Variants in SCN4A observed in about 807,000 individuals in gnomAD.
The protein encoded by SCN4A is sodium channel protein type 4 subunit alpha.
In SCN4A, 83 loss-of-function variants were observed where a neutral mutation model predicts 162.0. That is an observed-to-expected ratio of 0.51 (90% CI 0.43 to 0.61). The LOEUF (loss-of-function observed/expected upper bound fraction) is 0.61. Ranked by LOEUF, SCN4A falls within the 20% of genes least tolerant of loss-of-function variation. SCN4A has a pLI of 0.00. For missense variants in SCN4A, 2,196 were observed against 2,462.5 expected (o/e 0.89, Z 2.29); for synonymous variants, 944 against 985.1 (o/e 0.96, Z 0.78).
chr17:63,956,550 G>T (rs750432434), intron 13 of SCN4A, among the ~76,000 whole-genome samples: 1 of 152,188 alleles, frequency 6.6e-6, no homozygotes. Context: ...CTTTTTCGGC[G>T]CCTGGACCAT....
Position 63,941,745 on chromosome 17 carries a change from T to C in SCN4A, c.4537A>G (p.Ile1513Val). The stretch of plus-strand genomic sequence containing the variant: ...GTCTCGAAGTTGAACATATCATCGA[T>C]GCCCGACTCCTTCTTGACGTAGGCA... The part of the protein sequence containing the change: ...NFAYVKKESG[I>V]DDMFNFETFG... The change falls in exon 24 of 24, where the codon ATC becomes GTC. Residue 1513 changes from isoleucine (I) to valine (V), a missense_variant. Transcript: ENST00000435607. This position sits in a 1 kb window ranked among gnomAD's most constrained non-coding sequence, Gnocchi z 6.2. 1 of 1,614,148 alleles carries C rather than the reference T, an allele frequency of 6.2e-7. No homozygotes were observed. Among genetic ancestry groups the C allele is most frequent in the Non-Finnish European group, 8.5e-7 (1 of 1,180,032 alleles).
chr17:63,947,009 T>TGAGCCCCCCCC, intron 18 of SCN4A, 36 bp downstream of exon 18: 1 of 716,396 alleles, frequency 1.4e-6, no homozygotes. Context: ...CGGTCCCCCA[T>TGAGCCCCCCCC]CCCCAGCCCA....
Position 63,943,751 on chromosome 17 carries a change from G to A in SCN4A, c.4012C>T (p.Pro1338Ser). 6.2e-7 allele frequency: 1 copy of A among 1,605,054 alleles called. No homozygotes were observed. Among genetic ancestry groups the A allele is most frequent in the South Asian group, 1.1e-5 (1 of 90,848 alleles). Reference protein sequence around the residue: ...SKKPQKPIPRPQNKIQGMVYD... With the variant: ...SKKPQKPIPRSQNKIQGMVYD... The stretch of plus-strand genomic sequence containing the variant: ...GGGGGCCCAGAGGTCTGTACCTGGG[G>A]CCGGGGAATTGGCTTCTGAGGCTTC... Residue 1338 changes from proline to serine, a missense_variant, in exon 22 of 24, where the codon CCC (proline) becomes TCC (serine). Pro to Ser is a moderately conservative substitution (Grantham distance 74). Transcript: ENST00000435607.
At chr17:63,955,796 G>T (rs1444486296) in intron 13 of SCN4A, among the ~76,000 whole-genome samples, 1 of 152,148 alleles carries the variant, frequency 6.6e-6, no homozygotes, top group Non-Finnish European at 1.5e-5. Context: ...CTCTGTAGCT[G>T]CAGCATAGTC....
At chr17:63,971,396 C>T in intron 4 of SCN4A, 143 bp from the exon 5 acceptor site, 1 of 651,630 alleles carries the variant, frequency 1.5e-6, no homozygotes. Flanking sequence ...GCAGACACCC[C>T]CAAAGCTCCT....
chr17:63,972,432 G>A lies in SCN4A; in HGVS notation c.312C>T (p.Arg104=). 1 of 1,613,986 alleles carries A rather than the reference G, an allele frequency of 6.2e-7. No individual in the cohort carries two copies. Among genetic ancestry groups the A allele is most frequent in the Non-Finnish European group, 8.5e-7 (1 of 1,179,880 alleles). ...GGTAGAGAGCAGGTGTGGCGGAGAA[G>A]CGGAAGATGGCCTTGCCCTTGTTGA... ...IVLNKGKAIF[R]FSATPALYLL... Residue 104 remains arginine (R), a synonymous_variant, in exon 2 of 24, where the codon CGC becomes CGT. Transcript: ENST00000435607. The surrounding 1 kb of genome is among the most constrained non-coding windows in gnomAD (Gnocchi z 4.3).
At position 63,959,365 on chromosome 17, in the gene SCN4A, T is replaced by A; in HGVS notation, c.1919A>T (p.Gln640Leu). Residue 640 changes from glutamine to leucine, a missense_variant, in exon 12 of 24, where the codon CAG becomes CTG. Physicochemically the swap from Gln to Leu is moderately radical, Grantham distance 113. Coordinates refer to ENST00000435607, the MANE Select transcript of SCN4A (RefSeq NM_000334.4). The part of the protein sequence containing the change: ...IAMDPYEYFQ[Q>L]GWNIFDSIIV... ...GATGCTGTCGAAGATATTCCAACCC[T>A]GCTGGAAATACTCGTAGGGGTCCAT... 6.2e-7 allele frequency: 1 copy of A among 1,613,878 alleles called. No individual in the cohort carries two copies.
chr17:63,950,734 GTCAGCCTCAGCC>G lies in SCN4A; in HGVS notation c.2853+678_2853+689del, dbSNP rs1311338458. 3.9e-5 allele frequency among the ~76,000 whole-genome samples: 6 copies of G among 152,338 alleles called. No homozygotes were observed. Among genetic ancestry groups the G allele is most frequent in the Non-Finnish European group, 7.3e-5 (5 of 68,034 alleles). The stretch of plus-strand genomic sequence containing the variant: ...GAAGGGGGCTCAAGACCCAGGCAGG[GTCAGCCTCAGCC>G]TCAGCCTCAGCTGCTGGGGGTTACC... On this transcript the variant is annotated intron_variant, in intron 14 of 23. Transcript: ENST00000435607. This position sits in a 1 kb window ranked among gnomAD's most constrained non-coding sequence, Gnocchi z 4.6.
chr17:63,964,208 G>A lies in SCN4A; in HGVS notation c.1452+260C>T, dbSNP rs78305954. On this transcript the variant is annotated intron_variant, in intron 9 of 23. Coordinates refer to ENST00000435607, the MANE Select transcript of SCN4A (RefSeq NM_000334.4). ...ATATTTGAGCTGGAAGAATACTTCA[G>A]GTTTAGCTACTCCAGATTCCTTGTT... Among the ~76,000 whole-genome samples the A allele has an allele frequency of 0.025, 3,867 of 152,298 alleles. 166 individuals carry two copies. The highest frequency in any genetic ancestry group is 0.089 in the African/African-American group (3,692 of 41,552).
At chr17:63,942,311 G>A (rs1908568398) in intron 23 of SCN4A, among the ~76,000 whole-genome samples, 1 of 151,908 alleles carries the variant, frequency 6.6e-6, no homozygotes, top group Non-Finnish European at 1.5e-5. Flanking sequence ...GACAGAGAGA[G>A]AGAGACAGAG....
In SCN4A at chr17:63,941,197, G is replaced by A. The variant is rs755769915; in HGVS notation, c.5085C>T (p.Asp1695=). The change falls in exon 24 of 24, where the codon GAC becomes GAT. Residue 1695 remains aspartate, a synonymous_variant. Coordinates refer to ENST00000435607, the MANE Select transcript of SCN4A (RefSeq NM_000334.4). The surrounding 1 kb of genome is among the most constrained non-coding windows in gnomAD (Gnocchi z 6.2). ...TCTCCTCCATGGTCTGCTTGAGGGC[G>A]TCCATTTCCCCAGAGTCACCCAGGA... ...KEVLGDSGEM[D]ALKQTMEEKF... is the part of the protein sequence containing the mutation. The A allele has an allele frequency of 2.4e-5, 38 of 1,613,676 alleles. No homozygotes were observed. The highest frequency in any genetic ancestry group is 1.6e-4 in the Middle Eastern group (1 of 6,084).
chr17:63,967,933 CAAA>C (rs11418006), intron 6 of SCN4A, 87 bp downstream of exon 6: 687 of 891,848 alleles, frequency 7.7e-4, no homozygotes, highest in Non-Finnish European at 9.0e-4. Flanking sequence ...GACTCCATCT[CAAA>C]AAAAAAAAAA....
At position 63,944,918 on chromosome 17, in the gene SCN4A, G is replaced by C. The variant is rs891835411; in HGVS notation, c.3774+89C>G. ...CCACCCCCAGGGCTGCCAAGTCTCG[G>C]GGACAGAACGTGCTGCCAAGTCTCC... On this transcript the variant is annotated intron_variant, in intron 20 of 23. Coordinates refer to ENST00000435607, the MANE Select transcript of SCN4A (RefSeq NM_000334.4). This position sits in a 1 kb window ranked among gnomAD's most constrained non-coding sequence, Gnocchi z 4.3. 1.4e-5 allele frequency: 22 copies of C among 1,590,312 alleles called. No individual in the cohort carries two copies. In the African/African-American group the frequency reaches 3.0e-4, roughly 21 times the overall value.
Position 63,948,079 on chromosome 17 carries a change from C to A in SCN4A, c.3145-16G>T, listed in dbSNP as rs755600392. On this transcript the variant is annotated splice_polypyrimidine_tract_variant and intron_variant, in intron 16 of 23. Coordinates refer to ENST00000435607, the MANE Select transcript of SCN4A (RefSeq NM_000334.4). ...CCTCGAAGGCCTGGGGGCACCAGCA[C>A]CACCAGGGTGGCTGGGGTCCAGCAG... is the stretch of plus-strand genomic sequence containing the variant. 1 of 1,583,876 alleles carries A rather than the reference C, an allele frequency of 6.3e-7. No homozygotes were observed. Among genetic ancestry groups the A allele is most frequent in the Non-Finnish European group, 8.6e-7 (1 of 1,158,870 alleles).
intron 13 of SCN4A, among the ~76,000 whole-genome samples, chr17:63,952,274 C>T (rs555286244): frequency 5.9e-5 from 9 of 151,358 alleles, no homozygotes; most frequent in African/African-American, 9.7e-5. Flanking sequence ...GGCGCGATTT[C>T]GGCTCACGGC....
chr17:63,961,704 A>G, intron 10 of SCN4A: 1 of 461,372 alleles, frequency 2.2e-6, no homozygotes, highest in Non-Finnish European at 3.9e-6. Flanking sequence ...CACCCTCCAG[A>G]TCCCGCCCTC....
At position 63,941,353 on chromosome 17, in the gene SCN4A, G is replaced by T; in HGVS notation, c.4929C>A (p.Phe1643Leu). Reference protein sequence around the residue: ...QFIAYSRLSDFVDTLQEPLRI... With the variant: ...QFIAYSRLSDLVDTLQEPLRI... ...TCAGCGGTTCCTGCAGGGTGTCCACGAAGTCTGAGAGGCGGCTGTAGGCGA... is the reference window on the plus strand; with the variant it reads ...TCAGCGGTTCCTGCAGGGTGTCCACTAAGTCTGAGAGGCGGCTGTAGGCGA... The change falls in exon 24 of 24, where the codon TTC (phenylalanine) becomes TTA (leucine). Residue 1643 changes from phenylalanine (F) to leucine (L), a missense_variant. Physicochemically the swap from Phe to Leu is conservative, Grantham distance 22 (BLOSUM62 0). Transcript: ENST00000435607. The surrounding 1 kb of genome is among the most constrained non-coding windows in gnomAD (Gnocchi z 6.2). 6.2e-7 allele frequency: 1 copy of T among 1,613,924 alleles called. No homozygotes were observed. The highest frequency in any genetic ancestry group is 8.5e-7 in the Non-Finnish European group (1 of 1,179,882).
In SCN4A at chr17:63,948,776, G is replaced by T. The variant is rs1370229827; in HGVS notation, c.2990-11C>A. The T allele has an allele frequency of 1.3e-6, 2 of 1,592,552 alleles. No homozygotes were observed. The highest frequency in any genetic ancestry group is 1.3e-5 in the African/African-American group (1 of 74,588). ...AGCGCTGCACGCAGGCTGATGGGGT[G>T]AGGGGGGACAGGGACAGGCACCACA... On this transcript the variant is annotated splice_polypyrimidine_tract_variant and intron_variant, in intron 15 of 23. Transcript: ENST00000435607.
chr17:63,964,662 C>G lies in SCN4A; in HGVS notation c.1258G>C (p.Gly420Arg). Residue 420 changes from glycine (G) to arginine (R), a missense_variant, in exon 9 of 24, where the codon GGC becomes CGC. Gly to Arg is a moderately radical substitution (Grantham distance 125, BLOSUM62 -2). Coordinates refer to ENST00000435607, the MANE Select transcript of SCN4A (RefSeq NM_000334.4). ...ACGAAGAAGATCATGTAGGTCTTGC[C>G]AGCTGCTCGAAGGGTCTGGGAGTGG... ...NLFQLTLRAA[G>R]KTYMIFFVVI... is the part of the protein sequence containing the mutation. 6.2e-7 allele frequency: 1 copy of G among 1,607,892 alleles called. No individual in the cohort carries two copies.
Sources: gnomAD v4.1 joint callset for allele counts (sites outside exome capture counted in the v4.1 genomes callset) on GRCh38, gnomAD v4.1.1 for gene constraint, Gnocchi (gnomAD v3.1) non-coding constraint, MANE v1.5 for transcripts, NCBI Gene and HGNC (gene_info 2026-07-23, HGNC 2026-07-21) for gene names.